KRABD5: variants seen among roughly 807,000 people sequenced by gnomAD.
The protein encoded by KRABD5 is KRAB domain containing 5.
chr16:31,717,589 AATT>A, the KRABD5 span, among the ~76,000 whole-genome samples: 1 of 152,194 alleles, frequency 6.6e-6, no homozygotes, highest in African/African-American at 2.4e-5. Context: ...ATTGAGGACT[AATT>A]ATGGTGACTT....
the KRABD5 span, among the ~76,000 whole-genome samples, chr16:31,751,360 A>G: frequency 6.6e-6 from 1 of 152,202 alleles, no homozygotes. Flanking sequence ...TAGAACTGAT[A>G]CCAGCTCTTC....
chr16:31,755,535 C>A, the KRABD5 span: 4 of 461,462 alleles, frequency 8.7e-6, no homozygotes, highest in Non-Finnish European at 1.8e-5. Context: ...ATAACTCATA[C>A]TGGAATGAAA....
At chr16:31,722,524 A>G in the KRABD5 span, 5 of 1,370,772 alleles carry the variant, frequency 3.6e-6, no homozygotes, top group South Asian at 1.3e-5. Context: ...TCACTCATAT[A>G]AATCAGTCAG....
chr16:31,725,420 T>C, the KRABD5 span, among the ~76,000 whole-genome samples: 1 of 152,336 alleles, frequency 6.6e-6, no homozygotes, highest in Non-Finnish European at 1.5e-5. Context: ...TCCTGCCAGA[T>C]TGTATTTCTT....
chr16:31,752,292 T>G, the KRABD5 span, among the ~76,000 whole-genome samples: 1 of 152,232 alleles, frequency 6.6e-6, no homozygotes, highest in Admixed American at 6.5e-5. Flanking sequence ...ATTCTGTAGA[T>G]GCCTATTAGG....
the KRABD5 span, chr16:31,723,331 A>G: frequency 6.2e-7 from 1 of 1,613,656 alleles, no homozygotes; most frequent in Non-Finnish European, 8.5e-7. Context: ...TGAAGAGTGC[A>G]GAGACAGTAG....
At chr16:31,726,492 G>A in the KRABD5 span, among the ~76,000 whole-genome samples, 2 of 152,122 alleles carry the variant, frequency 1.3e-5, no homozygotes, top group South Asian at 2.1e-4. Context: ...CAGATGCAGT[G>A]GCTCACACCT....
chr16:31,733,777 G>T, the KRABD5 span: 4 of 367,398 alleles, frequency 1.1e-5, no homozygotes, highest in African/African-American at 8.5e-5. Context: ...TGCCACATTT[G>T]TTTAATCTGC....
the KRABD5 span, among the ~76,000 whole-genome samples, chr16:31,727,518 G>T: frequency 6.6e-6 from 1 of 152,166 alleles, no homozygotes; most frequent in South Asian, 2.1e-4. Context: ...TTCATTACAT[G>T]CAAACTAAGG....
chr16:31,723,488 T>C, the KRABD5 span: 1 of 833,446 alleles, frequency 1.2e-6, no homozygotes, highest in Non-Finnish European at 1.8e-6. Context: ...TTTCTTTCTC[T>C]TGCTGCTGTC....
chr16:31,754,559 T>C, the KRABD5 span: 11 of 526,368 alleles, frequency 2.1e-5, 1 homozygote, highest in Middle Eastern at 1.4e-3. Context: ...ACGTAAAAAA[T>C]GTGAGAAAGC....
At chr16:31,751,051 C>T in the KRABD5 span, among the ~76,000 whole-genome samples, 5 of 152,290 alleles carry the variant, frequency 3.3e-5, no homozygotes, top group African/African-American at 4.8e-5. Context: ...TGAGCCACTG[C>T]GCCTAGCTTT....
At chr16:31,755,874 C>A in the KRABD5 span, 1 of 224,814 alleles carries the variant, frequency 4.4e-6, no homozygotes, top group South Asian at 5.3e-5. Context: ...CAAAAAAGGA[C>A]TAAAGCACAG....
the KRABD5 span, among the ~76,000 whole-genome samples, chr16:31,718,477 G>A: frequency 6.6e-6 from 1 of 152,196 alleles, no homozygotes; most frequent in African/African-American, 2.4e-5. Context: ...TGTCCAGTGA[G>A]CTGCTGCAGT....
the KRABD5 span, among the ~76,000 whole-genome samples, chr16:31,741,263 T>C: frequency 1.7e-4 from 26 of 152,332 alleles, no homozygotes; most frequent in Admixed American, 3.3e-4. Flanking sequence ...AATAGTGCTG[T>C]GATGAACATA....
the KRABD5 span, chr16:31,754,236 T>C: frequency 3.1e-6 from 2 of 652,894 alleles, no homozygotes; most frequent in Non-Finnish European, 5.4e-6. Context: ...GATTTCTAAA[T>C]ATGATCAATT....
At chr16:31,713,345 G>T in the KRABD5 span, 1 of 1,555,478 alleles carries the variant, frequency 6.4e-7, no homozygotes, top group Admixed American at 1.9e-5. Flanking sequence ...TTCGCGTTCT[G>T]AGAATAGACA....
the KRABD5 span, chr16:31,757,084 T>A: frequency 6.6e-6 from 1 of 152,226 alleles, no homozygotes; most frequent in Non-Finnish European, 1.5e-5. Flanking sequence ...CTGTGATTCA[T>A]GTGAGAAGAA....
the KRABD5 span, among the ~76,000 whole-genome samples, chr16:31,750,595 T>C: frequency 1.3e-5 from 2 of 152,130 alleles, no homozygotes; most frequent in Admixed American, 1.3e-4. Context: ...GGTGTTCTTC[T>C]CTCATTCTTG....
Sources: gnomAD v4.1 joint callset for allele counts (sites outside exome capture counted in the v4.1 genomes callset) on GRCh38, gnomAD v4.1.1 for gene constraint, MANE v1.5 for transcripts, NCBI Gene and HGNC (gene_info 2026-07-23, HGNC 2026-07-21) for gene names.